Variants in DNM3 observed in about 807,000 individuals in gnomAD.
DNM3 encodes the protein dynamin 3.
DNM3 carries 47 observed loss-of-function variants against 101.6 expected under a neutral mutation model. The ratio of observed to expected loss-of-function variants is 0.46; its 90% CI spans 0.37 to 0.59. The LOEUF (loss-of-function observed/expected upper bound fraction) is 0.59. Ranked by LOEUF, DNM3 falls within the 20% of genes least tolerant of loss-of-function variation. The pLI, the probability that DNM3 is intolerant of heterozygous loss-of-function variation, is 0.00. For missense variants in DNM3, 849 were observed against 1,085.7 expected (o/e 0.78, Z 3.06); for synonymous variants, 385 against 387.9 (o/e 0.99, Z 0.09).
intron 15 of DNM3, among the ~76,000 whole-genome samples, chr1:172,298,965 C>T (rs2064304653): frequency 6.6e-6 from 1 of 151,762 alleles, no homozygotes; most frequent in African/African-American, 2.4e-5. Flanking sequence ...ATGAGTGCTA[C>T]AAAGGAAAGG....
rs561852939 is a variant in DNM3 at position 171,959,146 on chromosome 1, G to A, written c.236-28510G>A. Among the ~76,000 whole-genome samples, 213 of 152,266 alleles carry A rather than the reference G, an allele frequency of 1.4e-3. 1 individual carries two copies. The Middle Eastern group carries it at 0.041, about 29-fold the overall frequency. ...AAAATCATGGTTAATTCTCATGGAG[G>A]AGAAGGTGAGAGAATGAATACAGAA... On this transcript the variant is annotated intron_variant, in intron 2 of 20. Coordinates refer to ENST00000627582, the MANE Select transcript of DNM3 (RefSeq NM_015569.5).
chr1:171,869,332 T>C (rs2125077047), intron 1 of DNM3, among the ~76,000 whole-genome samples: 1 of 152,346 alleles, frequency 6.6e-6, no homozygotes, highest in Middle Eastern at 3.4e-3. Flanking sequence ...AGCTGTGGGC[T>C]GCTTGCTTAC....
At chr1:172,311,444 A>C (rs889673613) in intron 16 of DNM3, among the ~76,000 whole-genome samples, 2 of 152,186 alleles carry the variant, frequency 1.3e-5, no homozygotes, top group African/African-American at 4.8e-5. Context: ...TTTGCCATTT[A>C]AACAAAAATA....
chr1:172,063,177 G>A (rs2051380360), intron 10 of DNM3, among the ~76,000 whole-genome samples: 1 of 152,148 alleles, frequency 6.6e-6, no homozygotes, highest in Non-Finnish European at 1.5e-5. Flanking sequence ...TTCTTAGACG[G>A]TTACCTAATA....
At chr1:172,329,172 CA>C (rs1178960725) in intron 17 of DNM3, among the ~76,000 whole-genome samples, 1 of 151,476 alleles carries the variant, frequency 6.6e-6, no homozygotes, top group Admixed American at 6.6e-5. Context: ...TTTGGCAGAT[CA>C]ACTGAGCAAA....
intron 1 of DNM3, among the ~76,000 whole-genome samples, chr1:171,879,595 C>T (rs986407586): frequency 6.6e-6 from 1 of 152,110 alleles, no homozygotes; most frequent in Non-Finnish European, 1.5e-5. Context: ...GCTTACTAAT[C>T]TAATCATTGG....
intron 17 of DNM3, among the ~76,000 whole-genome samples, chr1:172,347,255 A>T (rs2066988929): frequency 6.6e-6 from 1 of 152,054 alleles, no homozygotes; most frequent in Non-Finnish European, 1.5e-5. Flanking sequence ...CCCAGGCCTT[A>T]ACTCCCCAAG....
In DNM3 at chr1:171,981,378, C is replaced by T. The variant is rs1400589967; in HGVS notation, c.236-6278C>T. 2.0e-5 allele frequency among the ~76,000 whole-genome samples: 3 copies of T among 152,140 alleles called. 1 individual carries two copies. The highest frequency in any genetic ancestry group is 7.2e-5 in the African/African-American group (3 of 41,434). ...GACAAGAGATCATTTTTTCCTAGTG[C>T]TCTATAATAATTCCTTTCTACTTAA... On this transcript the variant is annotated intron_variant, in intron 2 of 20. Transcript: ENST00000627582.
chr1:171,870,452 AAAAC>A (rs886232985), intron 1 of DNM3, among the ~76,000 whole-genome samples: 50 of 152,106 alleles, frequency 3.3e-4, no homozygotes, highest in Admixed American at 4.6e-4. Context: ...CAAAAACAAA[AAAAC>A]AAACAAAACA....
At chr1:172,262,050 C>T (rs1213291537) in intron 15 of DNM3, among the ~76,000 whole-genome samples, 1 of 152,148 alleles carries the variant, frequency 6.6e-6, no homozygotes, top group Non-Finnish European at 1.5e-5. Flanking sequence ...GTAGGGTGAT[C>T]CCCAGACCAC....
chr1:171,861,035 T>A lies in DNM3; in HGVS notation c.161+19218T>A, dbSNP rs144876428. 3.7e-3 allele frequency among the ~76,000 whole-genome samples: 558 copies of A among 152,194 alleles called. 2 individuals carry two copies. Among genetic ancestry groups the A allele is most frequent in the Non-Finnish European group, 6.0e-3 (407 of 67,990 alleles). On this transcript the variant is annotated intron_variant, in intron 1 of 20. Coordinates refer to ENST00000627582, the MANE Select transcript of DNM3 (RefSeq NM_015569.5). ...TTAATCAGTACTTGTCAATATATCATTGATATTTAAAACCTTAAGACTGCA... is the reference window on the plus strand; with the variant it reads ...TTAATCAGTACTTGTCAATATATCAATGATATTTAAAACCTTAAGACTGCA...
At chr1:171,901,383 T>G (rs2038342640) in intron 1 of DNM3, among the ~76,000 whole-genome samples, 1 of 152,092 alleles carries the variant, frequency 6.6e-6, no homozygotes, top group Non-Finnish European at 1.5e-5. Flanking sequence ...AAAGTTCCTC[T>G]AGATTACTCA....
At chr1:172,082,651 C>G (rs2053244387) in intron 12 of DNM3, among the ~76,000 whole-genome samples, 1 of 151,874 alleles carries the variant, frequency 6.6e-6, no homozygotes, top group South Asian at 2.1e-4. Flanking sequence ...AACAAAAGAG[C>G]CTATGTACTT....
intron 2 of DNM3, among the ~76,000 whole-genome samples, chr1:171,984,732 C>T (rs1352394256): frequency 1.3e-5 from 2 of 152,152 alleles, no homozygotes; most frequent in African/African-American, 2.4e-5. Context: ...TTATTTTCCC[C>T]CCTTAATTAT....
intron 2 of DNM3, among the ~76,000 whole-genome samples, chr1:171,954,841 G>A (rs912971867): frequency 6.6e-6 from 1 of 152,200 alleles, no homozygotes; most frequent in Non-Finnish European, 1.5e-5. Context: ...ATTGTGTTAT[G>A]CAATTTTTCC....
At chr1:172,414,991 G>A (rs1050350009), downstream of DNM3, among the ~76,000 whole-genome samples, 1 of 152,232 alleles carries the variant, frequency 6.6e-6, no homozygotes, top group Non-Finnish European at 1.5e-5. Flanking sequence ...GGCTGAGGCA[G>A]GAGGATCACT....
chr1:171,992,571 G>T (rs1034235446), intron 4 of DNM3, among the ~76,000 whole-genome samples: 1 of 151,994 alleles, frequency 6.6e-6, no homozygotes, highest in Admixed American at 6.6e-5. Context: ...TCATGTAAAT[G>T]TTCATGAACT....
chr1:172,012,815 C>T (rs1403650113), intron 4 of DNM3, among the ~76,000 whole-genome samples: 1 of 151,820 alleles, frequency 6.6e-6, no homozygotes, highest in Non-Finnish European at 1.5e-5. Flanking sequence ...AGTAATATTA[C>T]CTGATGATTT....
In DNM3 at chr1:172,373,539, T is replaced by C. The variant is rs144236505; in HGVS notation, c.1894-5479T>C. Among the ~76,000 whole-genome samples the C allele has an allele frequency of 1.8e-3, 278 of 152,250 alleles. 1 individual carries two copies. The highest frequency in any genetic ancestry group is 6.3e-3 in the African/African-American group (261 of 41,572). ...AATAATTGCATCCTTCTATAAAATT[T>C]GCCTTAGAATAGTTTTAATTTTTAT... is the stretch of plus-strand genomic sequence containing the variant. On this transcript the variant is annotated intron_variant, in intron 17 of 20. Transcript: ENST00000627582.
Sources: gnomAD v4.1 joint callset for allele counts (sites outside exome capture counted in the v4.1 genomes callset) on GRCh38, gnomAD v4.1.1 for gene constraint, MANE v1.5 for transcripts, NCBI Gene and HGNC (gene_info 2026-07-23, HGNC 2026-07-21) for gene names.